SORCS2: variants seen among roughly 807,000 people sequenced by gnomAD.
The protein encoded by SORCS2 is VPS10 domain-containing receptor SorCS2.
A neutral mutation model predicts 141.6 loss-of-function variants in SORCS2; 100 were observed. The ratio of observed to expected loss-of-function variants is 0.71; its 90% CI spans 0.60 to 0.83. The LOEUF is 0.83. Ranked by LOEUF, SORCS2 falls within the 40% of genes least tolerant of loss-of-function variation. The probability of loss-of-function intolerance (pLI) is 0.00; values close to 1 mark genes in which losing one functional copy is unlikely to be tolerated. For synonymous variants in SORCS2, 789 were observed against 676.9 expected (o/e 1.17, Z -2.57); for missense variants, 1,646 against 1,560.2 (o/e 1.05, Z -0.93).
At chr4:7,385,559 A>G (rs1351052553) in intron 1 of SORCS2, among the ~76,000 whole-genome samples, 2 of 152,192 alleles carry the variant, frequency 1.3e-5, no homozygotes, top group South Asian at 2.1e-4. Context: ...TGGGGCTTGA[A>G]GAGTGCCACT....
intron 2 of SORCS2, among the ~76,000 whole-genome samples, chr4:7,491,218 G>C (rs1305541119): frequency 6.6e-6 from 1 of 152,152 alleles, no homozygotes; most frequent in Non-Finnish European, 1.5e-5. Flanking sequence ...GGCACATGCT[G>C]TTCCCTTTGC....
chr4:7,474,614 T>A (rs1434000763), intron 2 of SORCS2, among the ~76,000 whole-genome samples: 1 of 152,056 alleles, frequency 6.6e-6, no homozygotes, highest in Non-Finnish European at 1.5e-5. Context: ...GGAAGCCCAG[T>A]CCACAGTGTC....
Position 7,506,361 on chromosome 4 carries a change from A to G in SORCS2, c.549-25169A>G, listed in dbSNP as rs1215992903. ...TGGTTATATTTGCTCCATTGGGGGAAAAAATAACTCTCTGTTTGCCATGGT... is the reference window on the plus strand; with the variant it reads ...TGGTTATATTTGCTCCATTGGGGGAGAAAATAACTCTCTGTTTGCCATGGT... On this transcript the variant is annotated intron_variant, in intron 2 of 26. Coordinates refer to ENST00000507866, the MANE Select transcript of SORCS2 (RefSeq NM_020777.3). Among the ~76,000 whole-genome samples, 4 of 152,182 alleles carry G rather than the reference A, an allele frequency of 2.6e-5. No individual in the cohort carries two copies. The East Asian group carries it at 5.8e-4, about 22-fold the overall frequency.
intron 10 of SORCS2, 51 bp from the exon 11 acceptor site, chr4:7,689,435 A>G: frequency 6.5e-7 from 1 of 1,527,572 alleles, no homozygotes. Flanking sequence ...AGTTTTCCTA[A>G]GGATGCTCCT....
intron 3 of SORCS2, among the ~76,000 whole-genome samples, chr4:7,575,268 AAAGT>A (rs1488216246): frequency 2.0e-5 from 3 of 152,256 alleles, no homozygotes; most frequent in Non-Finnish European, 1.5e-5. Context: ...CCCTATTCAA[AAAGT>A]AAGGAGAAAC....
At chr4:7,408,487 T>C (rs1476591299) in intron 2 of SORCS2, among the ~76,000 whole-genome samples, 1 of 152,104 alleles carries the variant, frequency 6.6e-6, no homozygotes, top group Non-Finnish European at 1.5e-5. Flanking sequence ...GAAGCTCCTG[T>C]ATGGGTTATT....
At chr4:7,294,564 G>A (rs1221881133) in intron 1 of SORCS2, among the ~76,000 whole-genome samples, 4 of 151,578 alleles carry the variant, frequency 2.6e-5, no homozygotes, top group Non-Finnish European at 5.9e-5. Flanking sequence ...GGGGTGCTCT[G>A]GGACTCTGGA....
At chr4:7,484,333 A>G (rs574442752) in intron 2 of SORCS2, among the ~76,000 whole-genome samples, 24 of 152,202 alleles carry the variant, frequency 1.6e-4, no homozygotes, top group Non-Finnish European at 2.9e-4. Flanking sequence ...ACATTTTCAC[A>G]TTTCTTCATT....
At chr4:7,466,313 G>A (rs901615937) in intron 2 of SORCS2, among the ~76,000 whole-genome samples, 2 of 152,138 alleles carry the variant, frequency 1.3e-5, no homozygotes, top group African/African-American at 4.8e-5. Context: ...GACAAGGAGA[G>A]GCTGGCGGGA....
At chr4:7,499,466 G>A (rs1034063772) in intron 2 of SORCS2, among the ~76,000 whole-genome samples, 2 of 152,202 alleles carry the variant, frequency 1.3e-5, no homozygotes, top group Non-Finnish European at 2.9e-5. Context: ...CAGTGAGGAA[G>A]TGGGCCCAGA....
chr4:7,703,169 C>A, intron 12 of SORCS2, 111 bp from the exon 13 acceptor site: 1 of 846,496 alleles, frequency 1.2e-6, no homozygotes, highest in Non-Finnish European at 1.8e-6. Flanking sequence ...TTGGCCTCTG[C>A]CAACAACCCC....
intron 1 of SORCS2, among the ~76,000 whole-genome samples, chr4:7,295,216 C>G (rs1382485555): frequency 1.8e-5 from 2 of 112,812 alleles, no homozygotes; most frequent in Non-Finnish European, 3.7e-5. Flanking sequence ...CTCCTCCTCT[C>G]TCTCTCTCCT....
intron 14 of SORCS2, among the ~76,000 whole-genome samples, chr4:7,708,217 G>A (rs958160914): frequency 3.3e-5 from 5 of 152,222 alleles, no homozygotes; most frequent in Non-Finnish European, 7.3e-5. Flanking sequence ...CTTCCTGGGT[G>A]ATGAGCAAGA....
intron 1 of SORCS2, among the ~76,000 whole-genome samples, chr4:7,215,271 G>A (rs985300505): frequency 9.8e-5 from 15 of 152,334 alleles, no homozygotes; most frequent in Admixed American, 3.3e-4. Flanking sequence ...CTTAGCACCC[G>A]GGCCAGCGGC....
At chr4:7,399,583 C>T (rs10034552) in intron 2 of SORCS2, among the ~76,000 whole-genome samples, 10,277 of 152,160 alleles carry the variant, frequency 0.068, 436 homozygotes, top group African/African-American at 0.12. Flanking sequence ...TCTCAGGCCC[C>T]CTTGAATCGG....
rs530989341 is a variant in SORCS2 at position 7,661,692 on chromosome 4, C to T, written c.952+128C>T. The T allele has an allele frequency of 1.2e-5, 10 of 823,808 alleles. No homozygotes were observed. The South Asian group carries it at 1.4e-4, about 12-fold the overall frequency. The allele number at this position is 823,808 out of a possible 1,614,324, so 51.0% of individuals were successfully genotyped here. ...CTACACAGCCGGCCTCACTGTGTCTCGATGTGGCATGATTTTAAATGTGCT... is the reference window on the plus strand; with the variant it reads ...CTACACAGCCGGCCTCACTGTGTCTTGATGTGGCATGATTTTAAATGTGCT... On this transcript the variant is annotated intron_variant, in intron 6 of 26. Coordinates refer to ENST00000507866, the MANE Select transcript of SORCS2 (RefSeq NM_020777.3).
intron 3 of SORCS2, among the ~76,000 whole-genome samples, chr4:7,635,569 G>A (rs1436124846): frequency 3.3e-5 from 5 of 152,164 alleles, no homozygotes; most frequent in Non-Finnish European, 2.9e-5. Context: ...CGCCGTGTCA[G>A]CGTGGTATGT....
chr4:7,478,984 C>T (rs376496419), intron 2 of SORCS2, among the ~76,000 whole-genome samples: 1 of 152,184 alleles, frequency 6.6e-6, no homozygotes, highest in African/African-American at 2.4e-5. Context: ...ATAAAAATGA[C>T]TTCCGAGGGT....
At chr4:7,362,910 A>G (rs1721668849) in intron 1 of SORCS2, among the ~76,000 whole-genome samples, 1 of 148,088 alleles carries the variant, frequency 6.8e-6, no homozygotes, top group Non-Finnish European at 1.5e-5. Context: ...CACTATTACT[A>G]TCATCATCAC....
Sources: gnomAD v4.1 joint callset for allele counts (sites outside exome capture counted in the v4.1 genomes callset) on GRCh38, gnomAD v4.1.1 for gene constraint, MANE v1.5 for transcripts, NCBI Gene and HGNC (gene_info 2026-07-23, HGNC 2026-07-21) for gene names.